Variants in AKAP13 observed in about 807,000 individuals in gnomAD.
AKAP13 encodes A-kinase anchor protein 13.
In AKAP13, 80 loss-of-function variants were observed where a neutral mutation model predicts 264.5. The observed-to-expected ratio is 0.30, with a 90% CI of 0.25 to 0.36. The LOEUF (loss-of-function observed/expected upper bound fraction) is 0.36, where lower values mean the gene tolerates loss of function less well. Among genes scored for constraint, AKAP13 ranks in the 10% least tolerant of loss-of-function variants. The probability of loss-of-function intolerance (pLI) is 1.00; values close to 1 mark genes in which losing one functional copy is unlikely to be tolerated. For synonymous variants in AKAP13, 1,380 were observed against 1,250.2 expected (o/e 1.10, Z -2.19); for missense variants, 3,712 against 3,435.2 (o/e 1.08, Z -2.01).
chr15:85,733,375 T>C (rs1470886650), intron 30 of AKAP13, among the ~76,000 whole-genome samples: 1 of 152,230 alleles, frequency 6.6e-6, no homozygotes, highest in Non-Finnish European at 1.5e-5. Context: ...ACATGCTCTT[T>C]GCCTAGATGC....
chr15:85,571,167 A>G (rs777007905), intron 5 of AKAP13, among the ~76,000 whole-genome samples: 10 of 152,216 alleles, frequency 6.6e-5, no homozygotes, highest in Non-Finnish European at 1.5e-4. Context: ...GCCTGGCTGA[A>G]TGGAACTTTT....
intron 1 of AKAP13, among the ~76,000 whole-genome samples, chr15:85,461,759 G>A (rs75619375): frequency 3.7e-4 from 57 of 152,222 alleles, no homozygotes; most frequent in African/African-American, 1.3e-3. Context: ...GCACATGACA[G>A]TTTAAAGTAG....
intron 2 of AKAP13, among the ~76,000 whole-genome samples, chr15:85,520,152 T>A (rs2076762476): frequency 6.7e-6 from 1 of 150,196 alleles, no homozygotes; most frequent in African/African-American, 2.4e-5. Flanking sequence ...TAGAATATAT[T>A]TAGCCACTGG....
intron 29 of AKAP13, among the ~76,000 whole-genome samples, chr15:85,728,642 C>T (rs1316915255): frequency 1.3e-5 from 2 of 151,866 alleles, no homozygotes; most frequent in Non-Finnish European, 2.9e-5. Flanking sequence ...TAGTAAGTCT[C>T]ACAGAGAAGC....
intron 23 of AKAP13, 61 bp from the exon 24 acceptor site, chr15:85,721,930 A>T: frequency 6.3e-7 from 1 of 1,594,712 alleles, no homozygotes; most frequent in Non-Finnish European, 8.5e-7. Context: ...GAAACATTTT[A>T]CAAAATGGTA....
chr15:85,393,587 A>G (rs1363071383), intron 1 of AKAP13, among the ~76,000 whole-genome samples: 1 of 152,222 alleles, frequency 6.6e-6, no homozygotes, highest in East Asian at 1.9e-4. Flanking sequence ...TATAAAGGGA[A>G]GAAGAAACTT....
At chr15:85,396,110 A>G (rs920490111) in intron 1 of AKAP13, among the ~76,000 whole-genome samples, 10 of 152,318 alleles carry the variant, frequency 6.6e-5, no homozygotes, top group Middle Eastern at 3.4e-3. Context: ...TTGCGAATAA[A>G]TGAACAGATG....
chr15:85,588,849 C>T (rs1161503937), intron 8 of AKAP13, among the ~76,000 whole-genome samples: 1 of 152,180 alleles, frequency 6.6e-6, no homozygotes, highest in African/African-American at 2.4e-5. Flanking sequence ...TCCTCCTTGA[C>T]TCAAGAAACC....
chr15:85,390,900 A>G (rs186410273), intron 1 of AKAP13, among the ~76,000 whole-genome samples: 11 of 152,338 alleles, frequency 7.2e-5, no homozygotes, highest in African/African-American at 2.6e-4. Flanking sequence ...CCCTGTTGAC[A>G]TGCTAAGTTT....
intron 13 of AKAP13, among the ~76,000 whole-genome samples, chr15:85,669,001 G>A (rs1396565386): frequency 6.6e-6 from 1 of 152,148 alleles, no homozygotes; most frequent in African/African-American, 2.4e-5. Context: ...ACTTTGGGAG[G>A]CCGAGGCAGG....
rs148259226 is a variant in AKAP13 at position 85,637,964 on chromosome 15, C to T, written c.4162-1410C>T. ...GATCTTCACTCACTGCAAGCTTTGC[C>T]TCCCGGGTTCATGCCGTTCTGCCTC... On this transcript the variant is annotated intron_variant, in intron 8 of 36. Transcript: ENST00000394518. Among the ~76,000 whole-genome samples the T allele has an allele frequency of 2.0e-3, 294 of 148,738 alleles. 5 individuals carry two copies. The East Asian group carries it at 0.03, about 15-fold the overall frequency.
At chr15:85,686,270 A>C (rs1173859896) in intron 16 of AKAP13, among the ~76,000 whole-genome samples, 1 of 152,148 alleles carries the variant, frequency 6.6e-6, no homozygotes, top group African/African-American at 2.4e-5. Context: ...AAGTAAGGGA[A>C]TAAACAAACA....
intron 1 of AKAP13, among the ~76,000 whole-genome samples, chr15:85,419,837 G>A (rs1461117550): frequency 6.6e-6 from 1 of 151,472 alleles, no homozygotes; most frequent in African/African-American, 2.4e-5. Context: ...CATTTTCTCT[G>A]TAAGGCTGTA....
chr15:85,739,674 CT>C (rs369957494), intron 33 of AKAP13, among the ~76,000 whole-genome samples: 4 of 151,410 alleles, frequency 2.6e-5, no homozygotes, highest in East Asian at 3.9e-4. Context: ...CCTTCCAGCT[CT>C]TTTTTTTTCT....
intron 13 of AKAP13, among the ~76,000 whole-genome samples, chr15:85,667,923 G>A (rs1240724131): frequency 6.6e-6 from 1 of 152,140 alleles, no homozygotes; most frequent in Non-Finnish European, 1.5e-5. Context: ...TTCTAAAATG[G>A]ACTGTCTTTC....
intron 5 of AKAP13, among the ~76,000 whole-genome samples, chr15:85,547,734 C>T (rs1043619375): frequency 1.3e-5 from 2 of 152,242 alleles, no homozygotes; most frequent in Non-Finnish European, 2.9e-5. Flanking sequence ...AAGTTTCACT[C>T]TAAGTAAATG....
At chr15:85,722,394 C>T (rs367776078) in intron 25 of AKAP13, 47 bp downstream of exon 25, 6 of 1,481,478 alleles carry the variant, frequency 4.1e-6, no homozygotes, top group Non-Finnish European at 5.5e-6. Flanking sequence ...GGACTGTTTC[C>T]TCTGTGGCCA....
intron 5 of AKAP13, among the ~76,000 whole-genome samples, chr15:85,552,712 C>T (rs2078001666): frequency 6.8e-6 from 1 of 147,832 alleles, no homozygotes; most frequent in African/African-American, 2.5e-5. Context: ...ACTGCAACCT[C>T]CGCCTCCCGG....
chr15:85,640,902 C>CA (rs2151477007), intron 9 of AKAP13, among the ~76,000 whole-genome samples: 1 of 152,260 alleles, frequency 6.6e-6, no homozygotes, highest in South Asian at 2.1e-4. Flanking sequence ...CCCCAGGACA[C>CA]AATTTTGAAT....
Sources: allele counts gnomAD v4.1 joint callset (sites outside exome capture counted in the v4.1 genomes callset), GRCh38; gene constraint gnomAD v4.1.1; transcripts MANE v1.5; gene names NCBI Gene and HGNC (gene_info 2026-07-23, HGNC 2026-07-21).